CLUAP1: variants seen among roughly 807,000 people sequenced by gnomAD.
CLUAP1 encodes the protein intraflagellar transport 38, also known as clusterin-associated protein 1.
In CLUAP1, 50 loss-of-function variants were observed where a neutral mutation model predicts 55.0. That is an observed-to-expected ratio of 0.91 (90% CI 0.72 to 1.15). The LOEUF (loss-of-function observed/expected upper bound fraction) is 1.15, where lower values mean the gene tolerates loss of function less well. Ranked by LOEUF, CLUAP1 falls within the 50% of genes most tolerant of loss-of-function variation. The pLI is 0.00. For missense variants in CLUAP1, 530 were observed against 507.6 expected (o/e 1.04, Z -0.42); for synonymous variants, 195 against 175.4 (o/e 1.11, Z -0.88).
intron 7 of CLUAP1, among the ~76,000 whole-genome samples, chr16:3,520,979 C>T (rs1025890249): frequency 1.3e-5 from 2 of 152,136 alleles, no homozygotes; most frequent in African/African-American, 2.4e-5. Context: ...CTACTCTGCT[C>T]GGATGTTTTG....
intron 11 of CLUAP1, chr16:3,535,619 G>C (rs2038215219): frequency 6.5e-6 from 1 of 152,948 alleles, no homozygotes; most frequent in Non-Finnish European, 1.5e-5. Flanking sequence ...GAGTGCAGTG[G>C]TGCAATCTCG....
intron 8 of CLUAP1, among the ~76,000 whole-genome samples, chr16:3,525,047 G>A (rs1272786517): frequency 6.6e-6 from 1 of 152,172 alleles, no homozygotes; most frequent in Admixed American, 6.5e-5. Flanking sequence ...TGTTGTCCAG[G>A]AGGGCTAACT....
chr16:3,533,229 C>T, intron 11 of CLUAP1: 1 of 1,190,634 alleles, frequency 8.4e-7, no homozygotes, highest in Admixed American at 2.0e-5. Flanking sequence ...GGGCCTCTCC[C>T]TAGGAGTGAT....
At chr16:3,513,121 ATCT>A (rs767925494) in intron 5 of CLUAP1, among the ~76,000 whole-genome samples, 2 of 152,114 alleles carry the variant, frequency 1.3e-5, no homozygotes, top group African/African-American at 2.4e-5. Flanking sequence ...CTCAAAAATG[ATCT>A]TCTGAGCTTG....
chr16:3,508,148 T>G, intron 3 of CLUAP1, 141 bp from the exon 4 acceptor site: 2 of 672,898 alleles, frequency 3.0e-6, no homozygotes, highest in Non-Finnish European at 4.9e-6. Flanking sequence ...CTCACAATGT[T>G]TGAGTCACTT....
At chr16:3,535,063 GA>G (rs1423049078) in intron 11 of CLUAP1, 1 of 153,146 alleles carries the variant, frequency 6.5e-6, no homozygotes, top group Non-Finnish European at 1.5e-5. Flanking sequence ...AGAGGAGGCT[GA>G]GGGGCGTCAG....
At chr16:3,506,171 T>C (rs1016630818) in intron 2 of CLUAP1, among the ~76,000 whole-genome samples, 160 bp from the exon 3 acceptor site, 5 of 152,228 alleles carry the variant, frequency 3.3e-5, no homozygotes, top group African/African-American at 1.2e-4. Context: ...TCCCTTGGTA[T>C]TTGGTTTTGC....
intron 2 of CLUAP1, among the ~76,000 whole-genome samples, chr16:3,505,467 A>T (rs748699907): frequency 4.0e-5 from 6 of 150,786 alleles, no homozygotes; most frequent in South Asian, 2.1e-4. Flanking sequence ...GAGGCGGAGC[A>T]TGCAGTGAGC....
chr16:3,530,489 C>T lies in CLUAP1; in HGVS notation c.929-79C>T, dbSNP rs914846889. The stretch of plus-strand genomic sequence containing the variant: ...AAGAAATGAACAAATGACTTTTGCA[C>T]ACAGACCTTACTGGGCAGAGCTGTT... On this transcript the variant is annotated intron_variant, in intron 9 of 11. Coordinates refer to ENST00000576634, the MANE Select transcript of CLUAP1 (RefSeq NM_015041.3). 10 of 982,728 alleles carry T rather than the reference C, an allele frequency of 1.0e-5. No homozygotes were observed. The African/African-American group carries it at 1.3e-4, about 13-fold the overall frequency. 60.9% of individuals were successfully genotyped at this position (982,728 alleles called of 1,614,324 possible).
At chr16:3,504,899 C>G (rs1208557246) in intron 2 of CLUAP1, 68 bp downstream of exon 2, 1 of 946,472 alleles carries the variant, frequency 1.1e-6, no homozygotes, top group African/African-American at 1.6e-5. Context: ...ATCTAGAAAA[C>G]AGGACACAGC....
At chr16:3,524,813 G>A (rs888296933) in intron 8 of CLUAP1, among the ~76,000 whole-genome samples, 6 of 151,994 alleles carry the variant, frequency 3.9e-5, no homozygotes, top group Admixed American at 2.0e-4. Flanking sequence ...TTTTAGACCC[G>A]AGCATGAGTT....
intron 7 of CLUAP1, 67 bp from the exon 8 acceptor site, chr16:3,523,091 G>A: frequency 7.4e-7 from 1 of 1,357,254 alleles, no homozygotes. Flanking sequence ...ATCTGAAACT[G>A]TGAATACCCA....
chr16:3,532,376 C>T (rs2038139246), intron 10 of CLUAP1, among the ~76,000 whole-genome samples: 1 of 148,790 alleles, frequency 6.7e-6, no homozygotes, highest in Non-Finnish European at 1.5e-5. Context: ...TCTTATCTAC[C>T]ACCTGTTAAT....
intron 7 of CLUAP1, among the ~76,000 whole-genome samples, chr16:3,520,423 G>A (rs2037812066): frequency 6.6e-6 from 1 of 152,026 alleles, no homozygotes; most frequent in Admixed American, 6.6e-5. Flanking sequence ...AAAGACTTAA[G>A]AGAATAGAAT....
At chr16:3,511,655 C>T (rs1223240173) in intron 4 of CLUAP1, among the ~76,000 whole-genome samples, 2 of 152,198 alleles carry the variant, frequency 1.3e-5, no homozygotes, top group Non-Finnish European at 2.9e-5. Flanking sequence ...GTAGGAAGCA[C>T]GTCAGCTTTC....
intron 9 of CLUAP1, among the ~76,000 whole-genome samples, chr16:3,529,794 TTA>T (rs1488020183): frequency 3.2e-5 from 2 of 62,916 alleles, no homozygotes; most frequent in African/African-American, 7.2e-5. Flanking sequence ...ATAATATATA[TTA>T]TATTATTATA....
intron 2 of CLUAP1, among the ~76,000 whole-genome samples, chr16:3,505,252 C>T (rs1425442279): frequency 1.3e-5 from 2 of 152,032 alleles, no homozygotes; most frequent in African/African-American, 4.8e-5. Context: ...AAAATCAGGC[C>T]GGGCGCAGTG....
At chr16:3,516,508 G>A (rs973357709) in intron 6 of CLUAP1, among the ~76,000 whole-genome samples, 1 of 152,034 alleles carries the variant, frequency 6.6e-6, no homozygotes, top group Non-Finnish European at 1.5e-5. Context: ...AATATGGCAA[G>A]GATAATGGAG....
At chr16:3,495,485 T>TTAGGC in the CLUAP1 span, 1 of 1,580,342 alleles carries the variant, frequency 6.3e-7, no homozygotes. Context: ...TGCTCTCCCC[T>TTAGGC]GCCTAGGGGG....
Sources: allele counts gnomAD v4.1 joint callset (sites outside exome capture counted in the v4.1 genomes callset), GRCh38; gene constraint gnomAD v4.1.1; transcripts MANE v1.5; gene names NCBI Gene and HGNC (gene_info 2026-07-23, HGNC 2026-07-21).